Variants in ADAM17 observed in about 807,000 individuals in gnomAD.
ADAM17 encodes ADAM metallopeptidase domain 17.
In ADAM17, 39 loss-of-function variants were observed where a neutral mutation model predicts 96.7. The observed-to-expected ratio is 0.40, with a 90% confidence interval of 0.31 to 0.53. The LOEUF is 0.53. ADAM17 is among the 20% of genes least tolerant of loss of function. The pLI is 0.44. For missense variants in ADAM17, 777 were observed against 1,013.2 expected, an observed-to-expected ratio of 0.77 and a Z score of 3.17; for synonymous variants, 344 against 359.2, an observed-to-expected ratio of 0.96 and a Z score of 0.48.
intron 2 of ADAM17, among the ~76,000 whole-genome samples, chr2:9,537,073 C>T (rs1664987601): frequency 6.6e-6 from 1 of 152,142 alleles, no homozygotes; most frequent in African/African-American, 2.4e-5. Context: ...ATTCAAAGAA[C>T]TTATACATTC....
intron 16 of ADAM17, among the ~76,000 whole-genome samples, 167 bp downstream of exon 16, chr2:9,493,580 T>C (rs1412276847): frequency 6.6e-6 from 1 of 152,252 alleles, no homozygotes; most frequent in East Asian, 1.9e-4. Flanking sequence ...ACAGACTATC[T>C]ATGAGTTCAT....
intron 1 of ADAM17, among the ~76,000 whole-genome samples, chr2:9,547,258 G>A (rs1665431256): frequency 6.6e-6 from 1 of 151,942 alleles, no homozygotes; most frequent in South Asian, 2.1e-4. Context: ...CCATTTACTT[G>A]ATTATTTAAC....
intron 12 of ADAM17, 51 bp downstream of exon 12, chr2:9,505,115 G>A (rs1310345235): frequency 1.3e-6 from 2 of 1,580,986 alleles, no homozygotes; most frequent in Non-Finnish European, 1.7e-6. Context: ...CTCTTATTTT[G>A]GACATCTTGT....
chr2:9,535,709 G>T, intron 4 of ADAM17, 125 bp downstream of exon 4: 1 of 530,944 alleles, frequency 1.9e-6, no homozygotes, highest in Non-Finnish European at 3.2e-6. Context: ...TACTTTCCTA[G>T]TAAAAAACTT....
At chr2:9,519,747 G>C (rs1396684392) in intron 8 of ADAM17, among the ~76,000 whole-genome samples, 1 of 151,758 alleles carries the variant, frequency 6.6e-6, no homozygotes, top group Non-Finnish European at 1.5e-5. Context: ...GACCATGTGA[G>C]AACACAGGGA....
At chr2:9,528,894 T>G (rs1264392037) in intron 4 of ADAM17, among the ~76,000 whole-genome samples, 1 of 152,136 alleles carries the variant, frequency 6.6e-6, no homozygotes, top group Non-Finnish European at 1.5e-5. Flanking sequence ...GTCTGGCAGG[T>G]CCTCAAAGGT....
intron 10 of ADAM17, among the ~76,000 whole-genome samples, chr2:9,512,790 A>G (rs950348784): frequency 2.6e-5 from 4 of 152,132 alleles, no homozygotes; most frequent in African/African-American, 9.7e-5. Flanking sequence ...TGCTTATGTA[A>G]TGAAGCCTCC....
chr2:9,522,865 C>T (rs920020536), intron 7 of ADAM17, among the ~76,000 whole-genome samples: 4 of 152,070 alleles, frequency 2.6e-5, no homozygotes, highest in African/African-American at 4.8e-5. Flanking sequence ...ATAAATACAG[C>T]CTTGCAAAGG....
rs1349716547 is a variant in ADAM17, at chr2:9,489,410, C to T, written c.*767G>A. The T allele has an allele frequency of 6.8e-6, 1 of 148,084 alleles. No homozygotes were observed. The highest frequency in any genetic ancestry group is 1.5e-5 in the Non-Finnish European group (1 of 67,064). The allele number at this position is 148,084 out of a possible 1,614,324, so 9.2% of individuals were successfully genotyped here. On this transcript the variant is annotated 3_prime_UTR_variant, in exon 19 of 19. Transcript: ENST00000310823. The stretch of plus-strand genomic sequence containing the variant: ...TAGTGAATTTTCTAAGAGCATGTAT[C>T]CCTATCAGTAACAGGGATACATGAA...
At chr2:9,503,141 AAAAAAAAAAAAGACAAGG>A (rs1183266408) in intron 12 of ADAM17, among the ~76,000 whole-genome samples, 1 of 151,226 alleles carries the variant, frequency 6.6e-6, no homozygotes, top group African/African-American at 2.4e-5. Context: ...CTCTCTCAAA[AAAAAAAAAAAAGACAAGG>A]AAAAAAAAAA....
intron 2 of ADAM17, among the ~76,000 whole-genome samples, chr2:9,537,234 T>C (rs986012441): frequency 4.6e-5 from 7 of 152,204 alleles, no homozygotes; most frequent in African/African-American, 1.7e-4. Flanking sequence ...ACTATGCATC[T>C]ATTATCCCCA....
rs1261239851 is a variant in ADAM17, at chr2:9,491,162, A to G, written c.2083-11T>C. On this transcript the variant is annotated splice_polypyrimidine_tract_variant and intron_variant, in intron 17 of 18. Transcript: ENST00000310823. ...ATCCAATTTCTTATCCTAGAAAGAA[A>G]CAGCAAGAAGGTCATTCCCTACAAA... 2 of 1,611,696 alleles carry G rather than the reference A, an allele frequency of 1.2e-6. No individual in the cohort carries two copies. The highest frequency in any genetic ancestry group is 1.7e-6 in the Non-Finnish European group (2 of 1,177,960).
At chr2:9,510,215 TA>T in intron 10 of ADAM17, 84 bp from the exon 11 acceptor site, 1 of 1,294,244 alleles carries the variant, frequency 7.7e-7, no homozygotes. Context: ...CTGTCTTAAA[TA>T]GAGCCTTATA....
intron 6 of ADAM17, 146 bp from the exon 7 acceptor site, chr2:9,523,484 G>A: frequency 1.6e-6 from 1 of 635,868 alleles, no homozygotes. Flanking sequence ...GCATTGAGAT[G>A]TTACTGTATC....
At chr2:9,494,485 TCTC>T (rs545724677) in intron 15 of ADAM17, 149 bp downstream of exon 15, 1,040 of 871,866 alleles carry the variant, frequency 1.2e-3, no homozygotes, top group Non-Finnish European at 1.6e-3. Context: ...CACTCCGTCT[TCTC>T]CTCCTAAGTA....
At chr2:9,508,031 G>A (rs532828920) in intron 11 of ADAM17, among the ~76,000 whole-genome samples, 1 of 152,300 alleles carries the variant, frequency 6.6e-6, no homozygotes, top group South Asian at 2.1e-4. Context: ...TTACAGGGCT[G>A]TTTTGAAGAG....
intron 4 of ADAM17, among the ~76,000 whole-genome samples, chr2:9,532,205 T>C (rs1482599301): frequency 1.3e-5 from 2 of 152,230 alleles, no homozygotes; most frequent in Non-Finnish European, 2.9e-5. Context: ...GACAATGTTT[T>C]TGCATCAAGG....
At chr2:9,524,053 T>TTA (rs1454608906) in intron 6 of ADAM17, among the ~76,000 whole-genome samples, 8 of 151,488 alleles carry the variant, frequency 5.3e-5, no homozygotes, top group Non-Finnish European at 8.8e-5. Flanking sequence ...TTTTTTTTTT[T>TTA]ATGATTTTCA....
chr2:9,536,037 G>A (rs1664948094), intron 3 of ADAM17, 115 bp from the exon 4 acceptor site: 1 of 546,618 alleles, frequency 1.8e-6, no homozygotes, highest in South Asian at 5.3e-5. Context: ...TACTGTGAGA[G>A]CTCTGCAAAA....
Sources: allele counts gnomAD v4.1 joint callset (sites outside exome capture counted in the v4.1 genomes callset), GRCh38; gene constraint gnomAD v4.1.1; transcripts MANE v1.5; gene names NCBI Gene and HGNC (gene_info 2026-07-23, HGNC 2026-07-21).